The following SLC45A4 variants were observed in gnomAD, a reference collection of about 807,000 sequenced individuals.
SLC45A4 encodes solute carrier family 45 member 4.
SLC45A4 carries 32 observed loss-of-function variants against 63.7 expected under a neutral mutation model. The observed-to-expected ratio is 0.50, with a 90% CI of 0.38 to 0.67. SLC45A4 has a LOEUF of 0.67. Ranked by LOEUF, SLC45A4 falls within the 30% of genes least tolerant of loss-of-function variation. The pLI is 0.00. For missense variants in SLC45A4, 1,027 were observed against 1,157.7 expected (o/e 0.89, Z 1.64); for synonymous variants, 535 against 510.0 (o/e 1.05, Z -0.66).
intron 2 of SLC45A4, among the ~76,000 whole-genome samples, chr8:141,236,983 T>C (rs886181590): frequency 6.6e-6 from 1 of 152,256 alleles, no homozygotes; most frequent in African/African-American, 2.4e-5. Flanking sequence ...GCTGTTTTGT[T>C]AATATTTAAT....
intron 2 of SLC45A4, among the ~76,000 whole-genome samples, chr8:141,240,551 C>T (rs1232470269): frequency 6.6e-6 from 1 of 152,174 alleles, no homozygotes; most frequent in African/African-American, 2.4e-5. Context: ...TCCAGAGCAG[C>T]CTGGTTCCAC....
chr8:141,304,355 TCAAGAC>T (rs1219777392), intron 1 of SLC45A4, among the ~76,000 whole-genome samples: 1 of 151,950 alleles, frequency 6.6e-6, no homozygotes, highest in Admixed American at 6.6e-5. Flanking sequence ...GGTCAGGAGT[TCAAGAC>T]CAGCCTGGCC....
chr8:141,276,537 G>C (rs1442084396), intron 1 of SLC45A4, among the ~76,000 whole-genome samples: 1 of 152,278 alleles, frequency 6.6e-6, no homozygotes, highest in East Asian at 1.9e-4. Flanking sequence ...GAAAACAGCA[G>C]GTTCCTCCCA....
intron 1 of SLC45A4, among the ~76,000 whole-genome samples, chr8:141,283,061 T>G (rs898615109): frequency 6.6e-6 from 1 of 152,244 alleles, no homozygotes; most frequent in Non-Finnish European, 1.5e-5. Flanking sequence ...GATAAAGAAG[T>G]GCTGATAAAC....
chr8:141,219,077 A>AG, intron 4 of SLC45A4, 48 bp from the exon 5 acceptor site: 11 of 1,572,726 alleles, frequency 7.0e-6, no homozygotes, highest in South Asian at 1.2e-5. Flanking sequence ...ACCAGGCCAC[A>AG]GGGGGGGAAG....
intron 2 of SLC45A4, among the ~76,000 whole-genome samples, chr8:141,228,762 G>A (rs1827180787): frequency 5.3e-5 from 8 of 152,204 alleles, no homozygotes; most frequent in Admixed American, 5.2e-4. Context: ...AAGCTCAGGG[G>A]TCAATCAGTT....
intron 2 of SLC45A4, among the ~76,000 whole-genome samples, chr8:141,246,031 G>C (rs1828173599): frequency 6.6e-6 from 1 of 152,212 alleles, no homozygotes; most frequent in South Asian, 2.1e-4. Context: ...TTGGGGAAGA[G>C]AGAAAGGGCA....
intron 2 of SLC45A4, among the ~76,000 whole-genome samples, chr8:141,241,402 C>T (rs1466686388): frequency 6.6e-6 from 1 of 152,124 alleles, no homozygotes; most frequent in East Asian, 1.9e-4. Flanking sequence ...GATGTTGCTG[C>T]CTTCGGGGAA....
intron 1 of SLC45A4, among the ~76,000 whole-genome samples, chr8:141,287,301 C>T (rs1174946128): frequency 6.6e-6 from 1 of 152,208 alleles, no homozygotes; most frequent in South Asian, 2.1e-4. Context: ...GCTATGAAAA[C>T]CTCTCCCGGC....
chr8:141,296,346 A>G (rs1473158969), intron 1 of SLC45A4, among the ~76,000 whole-genome samples: 17 of 151,944 alleles, frequency 1.1e-4, no homozygotes, highest in Non-Finnish European at 2.2e-4. Context: ...AAAAACAGTA[A>G]TAAATTAGCC....
At chr8:141,231,932 C>T (rs945199304) in intron 2 of SLC45A4, among the ~76,000 whole-genome samples, 8 of 152,266 alleles carry the variant, frequency 5.3e-5, no homozygotes, top group Non-Finnish European at 7.3e-5. Flanking sequence ...TCTCCTCCCT[C>T]CATGGGCACT....
rs898839260 is a variant in SLC45A4, at chr8:141,254,431, AT to A, written c.-203del. The stretch of plus-strand genomic sequence containing the variant: ...ATGAGACATGCAGCAACACAGAACG[AT>A]TTTTGGTTGGATTTTAAACATATGG... On this transcript the variant is annotated 5_prime_UTR_variant, in exon 2 of 9. The change creates a premature stop within an existing upstream ORF in the 5' untranslated region. Coordinates refer to ENST00000517878, the MANE Select transcript of SLC45A4 (RefSeq NM_001286646.2). This position sits in a 1 kb window ranked among gnomAD's most constrained non-coding sequence, Gnocchi z 4.5. 1.5e-6 allele frequency: 1 copy of A among 667,596 alleles called. No homozygotes were observed. The highest frequency in any genetic ancestry group is 2.6e-6 in the Non-Finnish European group (1 of 383,288). 41.4% of individuals were successfully genotyped at this position (667,596 alleles called of 1,614,324 possible). A position where few individuals can be genotyped will look rare whatever the true frequency, so the allele number is the denominator to read the frequency against.
intron 1 of SLC45A4, among the ~76,000 whole-genome samples, chr8:141,293,385 C>A (rs572715015): frequency 4.1e-4 from 63 of 152,162 alleles, no homozygotes; most frequent in African/African-American, 1.5e-3. Flanking sequence ...ACCCAGTAGG[C>A]AGAGATTGCA....
intron 1 of SLC45A4, among the ~76,000 whole-genome samples, chr8:141,295,026 T>C (rs1830493395): frequency 6.6e-6 from 1 of 152,194 alleles, no homozygotes; most frequent in Non-Finnish European, 1.5e-5. Flanking sequence ...GTCCTCCCAC[T>C]GGACTTCAGG....
chr8:141,271,173 G>A (rs1224104684), intron 1 of SLC45A4, among the ~76,000 whole-genome samples: 1 of 152,234 alleles, frequency 6.6e-6, no homozygotes, highest in African/African-American at 2.4e-5. Context: ...GAAATCCACT[G>A]GAAACTGAGC....
Position 141,219,744 on chromosome 8 carries a change from G to A in SLC45A4, c.516C>T (p.Ala172=), listed in dbSNP as rs748298104. ...CACGGATGGGCCCCTCGGTGGCATCGGCGCTGAAGTCCAGGACCACCACTC... is the reference window on the plus strand; with the variant it reads ...CACGGATGGGCCCCTCGGTGGCATCAGCGCTGAAGTCCAGGACCACCACTC... The part of the protein sequence containing the change: ...VLGVVVLDFS[A]DATEGPIRAY... Residue 172 remains alanine (A), a synonymous_variant, in exon 4 of 9, where the codon GCC becomes GCT. Coordinates refer to ENST00000517878, the MANE Select transcript of SLC45A4 (RefSeq NM_001286646.2). The A allele has an allele frequency of 1.0e-5, 16 of 1,604,384 alleles. No individual in the cohort carries two copies. In the East Asian group the frequency reaches 2.7e-4, roughly 27 times the overall value.
At chr8:141,271,473 G>A (rs556059076) in intron 1 of SLC45A4, among the ~76,000 whole-genome samples, 2 of 152,346 alleles carry the variant, frequency 1.3e-5, no homozygotes, top group South Asian at 2.1e-4. Flanking sequence ...CAAGAACCAC[G>A]TCATTCAGAA....
chr8:141,232,036 G>A (rs1827380846), intron 2 of SLC45A4, among the ~76,000 whole-genome samples: 1 of 152,262 alleles, frequency 6.6e-6, no homozygotes, highest in Non-Finnish European at 1.5e-5. Context: ...AGTGGGGCCA[G>A]GCCCCACACG....
At chr8:141,248,022 A>G (rs1404657431) in intron 2 of SLC45A4, among the ~76,000 whole-genome samples, 2 of 152,180 alleles carry the variant, frequency 1.3e-5, no homozygotes, top group African/African-American at 2.4e-5. Flanking sequence ...CCTAGGTGAG[A>G]GAACTACTGA....
Sources: allele counts gnomAD v4.1 joint callset (sites outside exome capture counted in the v4.1 genomes callset), GRCh38; gene constraint gnomAD v4.1.1; non-coding constraint Gnocchi (gnomAD v3.1); transcripts MANE v1.5; gene names NCBI Gene and HGNC (gene_info 2026-07-23, HGNC 2026-07-21).